Variants in MPP1 observed in about 807,000 individuals in gnomAD.
MPP1 encodes the protein MAGUK p55 scaffold protein 1.
A neutral mutation model predicts 38.2 loss-of-function variants in MPP1; 6 were observed. That is an observed-to-expected ratio of 0.16 (90% CI 0.09 to 0.31). The LOEUF (loss-of-function observed/expected upper bound fraction) is 0.31. Among genes scored for constraint, MPP1 ranks in the 10% least tolerant of loss-of-function variants. MPP1 has a pLI of 1.00. For synonymous variants in MPP1, 153 were observed against 146.3 expected (o/e 1.05, Z -0.33); for missense variants, 293 against 368.9 (o/e 0.79, Z 1.69).
intron 11 of MPP1, 113 bp downstream of exon 11, chrX:154,781,126 C>G: frequency 3.0e-6 from 2 of 664,332 alleles, no homozygotes; most frequent in Non-Finnish European, 4.7e-6. Flanking sequence ...AGGAAGAAGC[C>G]CAGCTGGAGC....
At chrX:154,786,182 C>T in intron 6 of MPP1, 22 bp downstream of exon 6, 1 of 1,193,527 alleles carries the variant, frequency 8.4e-7, no homozygotes, top group Non-Finnish European at 1.1e-6. Context: ...ATGGCCCTTC[C>T]ACCTGCACAA....
intron 1 of MPP1, among the ~76,000 whole-genome samples, chrX:154,802,341 C>G (rs1356394036): frequency 1.8e-5 from 2 of 112,224 alleles, no homozygotes; most frequent in African/African-American, 6.5e-5. Flanking sequence ...ACAAACAACA[C>G]TGCGTCACAC....
At chrX:154,781,367 G>C in intron 10 of MPP1, 54 bp from the exon 11 acceptor site, 2 of 939,515 alleles carry the variant, frequency 2.1e-6, no homozygotes, top group Non-Finnish European at 3.0e-6. Context: ...GAAAAGGAAA[G>C]TGAAAAAAAA....
intron 9 of MPP1, 136 bp from the exon 10 acceptor site, chrX:154,781,938 T>G: frequency 1.9e-6 from 1 of 532,225 alleles, no homozygotes; most frequent in Non-Finnish European, 3.1e-6. Context: ...TCCCGTGGGC[T>G]CCTGAAGAGC....
At chrX:154,793,744 G>A (rs1557267954) in intron 1 of MPP1, among the ~76,000 whole-genome samples, 1 of 111,873 alleles carries the variant, frequency 8.9e-6, no homozygotes, top group African/African-American at 3.2e-5. Flanking sequence ...GTCTCTATAT[G>A]TTAGGAACGA....
At chrX:154,785,262 A>G in intron 6 of MPP1, 105 bp from the exon 7 acceptor site, 1 of 543,433 alleles carries the variant, frequency 1.8e-6, no homozygotes, top group Non-Finnish European at 2.8e-6. Flanking sequence ...CTGAGTGTCC[A>G]TTACAGTGGG....
At chrX:154,779,434 T>C in intron 11 of MPP1, 81 bp from the exon 12 acceptor site, 1 of 897,374 alleles carries the variant, frequency 1.1e-6, no homozygotes, top group South Asian at 2.5e-5. Context: ...TAAACAGCAA[T>C]TGTTAGCGTT....
intron 1 of MPP1, chrX:154,792,560 T>C (rs1249574227): frequency 3.8e-6 from 1 of 266,325 alleles, no homozygotes; most frequent in Non-Finnish European, 6.7e-6. Context: ...AAAATAGACA[T>C]GTTTATCTAG....
intron 2 of MPP1, 23 bp from the exon 3 acceptor site, chrX:154,791,870 A>G (rs1557267785): frequency 8.6e-7 from 1 of 1,161,253 alleles, no homozygotes; most frequent in South Asian, 1.8e-5. Context: ...CGACGGCACA[A>G]TAAGCTTTAT....
At chrX:154,794,626 C>A (rs1426334758) in intron 1 of MPP1, among the ~76,000 whole-genome samples, 3 of 111,437 alleles carry the variant, frequency 2.7e-5, no homozygotes, top group African/African-American at 9.8e-5. Context: ...AGGAGTGTGC[C>A]ATTCACTGTG....
At position 154,805,326 on chromosome X, in the gene MPP1, C is replaced by G. The variant is rs368812485; in HGVS notation, c.48G>C (p.Thr16=). 70 of 1,207,085 alleles carry G rather than the reference C, an allele frequency of 5.8e-5. 1 individual carries two copies. The Middle Eastern group carries it at 1.4e-3, about 24-fold the overall frequency. ...SEGESGGSMH[T]ALSDLYLEHL... ...GCTCCAGGTAGAGGTCGGAGAGCGC[C>G]GTGTGCATGCTGCCCCCACTCTCGC... is the stretch of plus-strand genomic sequence containing the variant. The change falls in exon 1 of 12, where the codon ACG becomes ACC. Residue 16 remains threonine, a synonymous_variant. Transcript: ENST00000369534.
At position 154,783,961 on chromosome X, in the gene MPP1, G is replaced by T. The variant is rs781819624; in HGVS notation, c.865+67C>A. 84 of 1,006,747 alleles carry T rather than the reference G, an allele frequency of 8.3e-5. No homozygotes were observed. The African/African-American group carries it at 1.5e-3, about 18-fold the overall frequency. The allele number at this position is 1,006,747 out of a possible 1,213,427, so 83.0% of individuals were successfully genotyped here. On this transcript the variant is annotated intron_variant, in intron 8 of 11. Transcript: ENST00000369534. ...TTTTCTTCCTCACTGCCTTTTTTGG[G>T]GGTGGGCACGTGATGCAGGCAGGAA...
chrX:154,789,646 C>T (rs1557267520), intron 5 of MPP1, among the ~76,000 whole-genome samples: 1 of 111,394 alleles, frequency 9.0e-6, no homozygotes, highest in Non-Finnish European at 1.9e-5. Flanking sequence ...CCTCTTGGAG[C>T]TGTATTGATT....
chrX:154,784,207 G>T, intron 7 of MPP1, 99 bp from the exon 8 acceptor site: 1 of 654,575 alleles, frequency 1.5e-6, no homozygotes, highest in Non-Finnish European at 2.4e-6. Flanking sequence ...ATCTCAACAA[G>T]CAGGGAGGAA....
At chrX:154,800,733 TAAACTA>T (rs1557268598) in intron 1 of MPP1, among the ~76,000 whole-genome samples, 2 of 112,479 alleles carry the variant, frequency 1.8e-5, no homozygotes, top group African/African-American at 6.5e-5. Context: ...CTCCAGAAGT[TAAACTA>T]TAAGCATGGA....
intron 1 of MPP1, among the ~76,000 whole-genome samples, chrX:154,800,759 T>C (rs186722431): frequency 8.9e-6 from 1 of 112,392 alleles, no homozygotes; most frequent in African/African-American, 3.2e-5. Flanking sequence ...ACTTTGGAGT[T>C]TGTGCAGGTA....
At position 154,779,051 on chromosome X, in the gene MPP1, G is replaced by C; in HGVS notation, c.*126C>G. ...GACTGAACCTTACTGGCTGAATTAG[G>C]ATAGCTGCAGAGAGCTGGAAGCTGA... On this transcript the variant is annotated 3_prime_UTR_variant, in exon 12 of 12. Coordinates refer to ENST00000369534, the MANE Select transcript of MPP1 (RefSeq NM_002436.4). 4.8e-6 allele frequency: 3 copies of C among 621,384 alleles called. No individual in the cohort carries two copies. The highest frequency in any genetic ancestry group is 2.3e-5 in the African/African-American group (1 of 44,419). The allele number at this position is 621,384 out of a possible 1,213,427, so 51.2% of individuals were successfully genotyped here.
At chrX:154,796,151 G>C (rs1205514775) in intron 1 of MPP1, among the ~76,000 whole-genome samples, 3 of 104,639 alleles carry the variant, frequency 2.9e-5, no homozygotes, top group African/African-American at 7.1e-5. Flanking sequence ...CTTTTTTTGA[G>C]AAAGAGTCTC....
At chrX:154,779,494 A>C in intron 11 of MPP1, 141 bp from the exon 12 acceptor site, 1 of 557,440 alleles carries the variant, frequency 1.8e-6, no homozygotes, top group Non-Finnish European at 2.8e-6. Context: ...GACATTGTGA[A>C]AGAATGTTAA....
Sources: allele counts gnomAD v4.1 joint callset (sites outside exome capture counted in the v4.1 genomes callset), GRCh38; gene constraint gnomAD v4.1.1; transcripts MANE v1.5; gene names NCBI Gene and HGNC (gene_info 2026-07-23, HGNC 2026-07-21).